Variants in JARID2 observed in about 807,000 individuals in gnomAD.
JARID2 encodes protein Jumonji.
In JARID2, 21 loss-of-function variants were observed where a neutral mutation model predicts 125.6. The observed-to-expected ratio is 0.17, with a 90% CI of 0.12 to 0.24. The LOEUF is 0.24. JARID2 is among the 10% of genes least tolerant of loss of function. The pLI, the probability that JARID2 is intolerant of heterozygous loss-of-function variation, is 1.00. For missense variants in JARID2, 1,303 were observed against 1,639.6 expected (o/e 0.79, Z 3.55); for synonymous variants, 736 against 661.6 (o/e 1.11, Z -1.73).
intron 2 of JARID2, among the ~76,000 whole-genome samples, chr6:15,402,691 C>T (rs1229390032): frequency 6.6e-6 from 1 of 152,188 alleles, no homozygotes; most frequent in Non-Finnish European, 1.5e-5. Flanking sequence ...AGTCAGTTTT[C>T]TTCTGTAGGC....
At chr6:15,471,428 G>C (rs1040275075) in intron 5 of JARID2, among the ~76,000 whole-genome samples, 2 of 152,168 alleles carry the variant, frequency 1.3e-5, no homozygotes, top group Admixed American at 1.3e-4. Flanking sequence ...ACAAAACATG[G>C]AATTACCCTC....
At chr6:15,493,095 A>C (rs1340319947) in intron 6 of JARID2, among the ~76,000 whole-genome samples, 1 of 152,134 alleles carries the variant, frequency 6.6e-6, no homozygotes, top group Admixed American at 6.5e-5. Flanking sequence ...ATTGCTAGCC[A>C]TGAACTCAGG....
chr6:15,477,897 C>A (rs183840106), intron 5 of JARID2, among the ~76,000 whole-genome samples: 6 of 152,160 alleles, frequency 3.9e-5, no homozygotes, highest in Non-Finnish European at 7.3e-5. Flanking sequence ...GCCTGGGGCA[C>A]GATGAGGACT....
At chr6:15,319,971 T>C (rs1762300462) in intron 1 of JARID2, among the ~76,000 whole-genome samples, 1 of 152,246 alleles carries the variant, frequency 6.6e-6, no homozygotes, top group Non-Finnish European at 1.5e-5. Context: ...AGCACTGAGA[T>C]ATTTCAGCCA....
At chr6:15,371,018 T>G (rs995419680) in intron 1 of JARID2, among the ~76,000 whole-genome samples, 1 of 152,210 alleles carries the variant, frequency 6.6e-6, no homozygotes, top group African/African-American at 2.4e-5. Context: ...AAAACACTTG[T>G]GTGTTGTGTG....
chr6:15,520,902 C>T lies in JARID2; in HGVS notation c.*651C>T. The T allele has an allele frequency of 2.2e-6, 1 of 450,098 alleles. No individual in the cohort carries two copies. The highest frequency in any genetic ancestry group is 4.5e-6 in the Non-Finnish European group (1 of 222,702). 27.9% of individuals were successfully genotyped at this position (450,098 alleles called of 1,614,324 possible). On this transcript the variant is annotated 3_prime_UTR_variant, in exon 18 of 18. Coordinates refer to ENST00000341776, the MANE Select transcript of JARID2 (RefSeq NM_004973.4). ...TCTCCACCAGCACATCACTATGCAT[C>T]TGTTCCAGGAAAGAAGAAAAGCGAG...
chr6:15,441,887 G>A (rs1767461276), intron 3 of JARID2, among the ~76,000 whole-genome samples: 1 of 152,026 alleles, frequency 6.6e-6, no homozygotes, highest in African/African-American at 2.4e-5. Context: ...CACCTCCTGG[G>A]TTCAAGTGAT....
intron 16 of JARID2, among the ~76,000 whole-genome samples, chr6:15,515,334 G>T (rs755536061): frequency 6.6e-6 from 1 of 152,100 alleles, no homozygotes; most frequent in Non-Finnish European, 1.5e-5. Context: ...GCTGGAACAC[G>T]CTATTCATTT....
At chr6:15,332,603 A>G (rs972568930) in intron 1 of JARID2, among the ~76,000 whole-genome samples, 2 of 152,174 alleles carry the variant, frequency 1.3e-5, no homozygotes, top group Non-Finnish European at 2.9e-5. Context: ...TTAGAAAAAG[A>G]AATTGGCTTG....
At chr6:15,246,748 C>T (rs1759196025) in intron 1 of JARID2, among the ~76,000 whole-genome samples, 164 bp downstream of exon 1, 1 of 152,048 alleles carries the variant, frequency 6.6e-6, no homozygotes, top group Non-Finnish European at 1.5e-5. Flanking sequence ...GTGGTGTCTG[C>T]CTAGTTTGGT....
At chr6:15,421,574 C>T (rs1766491460) in intron 3 of JARID2, among the ~76,000 whole-genome samples, 1 of 152,182 alleles carries the variant, frequency 6.6e-6, no homozygotes, top group African/African-American at 2.4e-5. Context: ...TGTAATCTGT[C>T]TCTTCCGTTA....
chr6:15,326,764 G>T (rs746862054), intron 1 of JARID2, among the ~76,000 whole-genome samples: 4 of 152,248 alleles, frequency 2.6e-5, no homozygotes, highest in African/African-American at 7.2e-5. Flanking sequence ...GCCTCCGAAA[G>T]TTCTGGGATA....
At chr6:15,476,143 AACAC>A (rs1275171925) in intron 5 of JARID2, among the ~76,000 whole-genome samples, 1 of 152,222 alleles carries the variant, frequency 6.6e-6, no homozygotes, top group Non-Finnish European at 1.5e-5. Context: ...TGGGGAGATA[AACAC>A]ACAGAAAACA....
chr6:15,360,712 C>T (rs1283530286), intron 1 of JARID2, among the ~76,000 whole-genome samples: 2 of 152,072 alleles, frequency 1.3e-5, no homozygotes, highest in Non-Finnish European at 2.9e-5. Flanking sequence ...GCTATATTGG[C>T]CAGGGCTGTC....
intron 3 of JARID2, among the ~76,000 whole-genome samples, chr6:15,417,133 T>G (rs2004492350): frequency 6.6e-6 from 1 of 151,372 alleles, no homozygotes; most frequent in African/African-American, 2.4e-5. Context: ...AGATTAACTG[T>G]TTATTTTTAT....
chr6:15,347,079 T>G (rs1233921165), intron 1 of JARID2, among the ~76,000 whole-genome samples: 1 of 152,198 alleles, frequency 6.6e-6, no homozygotes, highest in African/African-American at 2.4e-5. Context: ...GGTAGACTGT[T>G]TTCTTAAAGC....
At chr6:15,513,489 C>A in intron 16 of JARID2, 67 bp downstream of exon 16, 1 of 1,454,076 alleles carries the variant, frequency 6.9e-7, no homozygotes, top group Non-Finnish European at 9.3e-7. Flanking sequence ...CGGGGTTGCC[C>A]CCAGAAGAGG....
intron 1 of JARID2, among the ~76,000 whole-genome samples, chr6:15,352,168 C>T (rs953500936): frequency 3.9e-5 from 6 of 152,060 alleles, no homozygotes; most frequent in Non-Finnish European, 7.3e-5. Context: ...GTTTCTTGAA[C>T]CCAAATTTAT....
intron 1 of JARID2, among the ~76,000 whole-genome samples, chr6:15,314,014 A>G (rs1283655443): frequency 1.3e-5 from 2 of 152,160 alleles, no homozygotes; most frequent in Non-Finnish European, 2.9e-5. Flanking sequence ...AGGATACTGC[A>G]TCTGGACCCA....
Sources: allele counts gnomAD v4.1 joint callset (sites outside exome capture counted in the v4.1 genomes callset), GRCh38; gene constraint gnomAD v4.1.1; transcripts MANE v1.5; gene names NCBI Gene and HGNC (gene_info 2026-07-23, HGNC 2026-07-21).